CFAP70: variants seen among roughly 807,000 people sequenced by gnomAD.
CFAP70 encodes cilia- and flagella-associated protein 70.
A neutral mutation model predicts 137.6 loss-of-function variants in CFAP70; 81 were observed. The observed-to-expected ratio is 0.59, with a 90% CI of 0.49 to 0.71. CFAP70 has a LOEUF of 0.71. Among genes scored for constraint, CFAP70 ranks in the 30% least tolerant of loss-of-function variants. The pLI, the probability that CFAP70 is intolerant of heterozygous loss-of-function variation, is 0.00. For missense variants in CFAP70, 976 were observed against 1,226.7 expected (o/e 0.80, Z 3.05); for synonymous variants, 382 against 423.6 (o/e 0.90, Z 1.20).
intron 25 of CFAP70, among the ~76,000 whole-genome samples, chr10:73,258,840 T>G (rs1052039896): frequency 1.3e-5 from 2 of 152,222 alleles, no homozygotes; most frequent in African/African-American, 2.4e-5. Flanking sequence ...TTATTAGGAT[T>G]AGGAAATTCT....
chr10:73,266,370 G>A (rs2045774798), intron 25 of CFAP70, among the ~76,000 whole-genome samples: 1 of 152,072 alleles, frequency 6.6e-6, no homozygotes, highest in African/African-American at 2.4e-5. Flanking sequence ...TACCATTTCA[G>A]TAGTGAACTC....
intron 25 of CFAP70, among the ~76,000 whole-genome samples, chr10:73,269,131 C>T (rs1564755065): frequency 6.6e-6 from 1 of 152,176 alleles, no homozygotes; most frequent in Non-Finnish European, 1.5e-5. Context: ...CTGAGGGCTA[C>T]TGTCGTTATT....
intron 4 of CFAP70, chr10:73,347,074 G>C (rs548050164): frequency 6.6e-6 from 1 of 152,270 alleles, no homozygotes; most frequent in Admixed American, 6.5e-5. Context: ...TATGTAAAGA[G>C]GGATTGGAAC....
At chr10:73,360,067 G>T (rs532933808), upstream of CFAP70, among the ~76,000 whole-genome samples, 2 of 152,166 alleles carry the variant, frequency 1.3e-5, no homozygotes, top group Non-Finnish European at 2.9e-5. Context: ...GACCAGAAAG[G>T]AAAACAACAT....
At chr10:73,285,299 CCTTATT>C (rs1413144304) in intron 19 of CFAP70, among the ~76,000 whole-genome samples, 1 of 152,060 alleles carries the variant, frequency 6.6e-6, no homozygotes, top group Non-Finnish European at 1.5e-5. Flanking sequence ...ATATATATTT[CCTTATT>C]CTTATTTCGA....
intron 5 of CFAP70, 83 bp downstream of exon 6, chr10:73,344,982 G>T (rs1444171714): frequency 1.8e-5 from 21 of 1,140,180 alleles, no homozygotes; most frequent in Non-Finnish European, 2.5e-5. Flanking sequence ...TGCTTTGAAT[G>T]AAATCTTAGA....
chr10:73,341,458 C>T (rs1423731793), exon 6 of CFAP70: 1 of 1,614,196 alleles, frequency 6.2e-7, no homozygotes, highest in East Asian at 2.2e-5. Flanking sequence ...ATGAATGCAT[C>T]AGGAATGTTA....
intron 24 of CFAP70, 86 bp downstream of exon 25, chr10:73,272,842 A>T (rs1237535407): frequency 8.2e-7 from 1 of 1,213,462 alleles, no homozygotes; most frequent in African/African-American, 1.5e-5. Context: ...TTCCAATGTC[A>T]TCACAAACCC....
At chr10:73,274,832 G>A (rs1382170115) in intron 22 of CFAP70, 2 of 474,270 alleles carry the variant, frequency 4.2e-6, no homozygotes, top group South Asian at 3.6e-5. Context: ...AGCCATTTTG[G>A]GTGTGGAGTA....
At chr10:73,361,312 T>TC (rs764601900), upstream of CFAP70, among the ~76,000 whole-genome samples, 3 of 147,120 alleles carry the variant, frequency 2.0e-5, no homozygotes, top group Non-Finnish European at 3.0e-5. Flanking sequence ...TTTTTTTTTT[T>TC]CTTTATTGAG....
At chr10:73,348,730 AATGGGTTT>A (rs1289215241) in intron 3 of CFAP70, among the ~76,000 whole-genome samples, 1 of 152,172 alleles carries the variant, frequency 6.6e-6, no homozygotes, top group East Asian at 1.9e-4. Flanking sequence ...TATAATAAGA[AATGGGTTT>A]TAGATCATCA....
At chr10:73,277,961 C>T (rs540005317) in intron 20 of CFAP70, among the ~76,000 whole-genome samples, 11 of 152,138 alleles carry the variant, frequency 7.2e-5, no homozygotes, top group African/African-American at 1.4e-4. Flanking sequence ...TTTTTAAAAA[C>T]GAAGAACTGT....
chr10:73,284,575 A>C, intron 19 of CFAP70, among the ~76,000 whole-genome samples: 1 of 142,330 alleles, frequency 7.0e-6, no homozygotes, highest in Non-Finnish European at 1.5e-5. Flanking sequence ...TTATTCTACT[A>C]TTTTCCTTTT....
intron 3 of CFAP70, among the ~76,000 whole-genome samples, chr10:73,349,151 T>C (rs1382492618): frequency 6.6e-6 from 1 of 151,994 alleles, no homozygotes; most frequent in East Asian, 1.9e-4. Flanking sequence ...TCCTTAGGTA[T>C]TTTCTATTCT....
rs185068460 is a variant in CFAP70, at chr10:73,338,197, T to A, written c.583-2673A>T. 1.4e-3 allele frequency among the ~76,000 whole-genome samples: 202 copies of A among 146,074 alleles called. 7 individuals carry two copies. Among genetic ancestry groups the A allele is most frequent in the African/African-American group, 4.5e-3 (175 of 38,918 alleles). ...TCTTGCTCTGTCACCCAGGCTGGAG[T>A]GCAGTGGTACAGTCTCGGCTCACTG... On this transcript the variant is annotated intron_variant, in intron 6 of 26. Transcript: ENST00000310715.
At chr10:73,264,184 T>C (rs1053342880) in intron 25 of CFAP70, among the ~76,000 whole-genome samples, 1 of 152,204 alleles carries the variant, frequency 6.6e-6, no homozygotes, top group Admixed American at 6.5e-5. Context: ...TTACTTTCCA[T>C]GCACTAGTTC....
chr10:73,347,336 G>T (rs1025212474), intron 4 of CFAP70, among the ~76,000 whole-genome samples: 1 of 152,146 alleles, frequency 6.6e-6, no homozygotes, highest in Non-Finnish European at 1.5e-5. Flanking sequence ...GCCATGGGAA[G>T]GTTGAACTAG....
At chr10:73,345,406 T>A (rs1263321917) in intron 4 of CFAP70, among the ~76,000 whole-genome samples, 162 bp from the exon 6 acceptor site, 1 of 152,160 alleles carries the variant, frequency 6.6e-6, no homozygotes, top group East Asian at 1.9e-4. Flanking sequence ...GAGTTGGAGA[T>A]AGAGCCAAGA....
intron 3 of CFAP70, among the ~76,000 whole-genome samples, chr10:73,350,472 T>C (rs1364311482): frequency 2.0e-5 from 3 of 152,308 alleles, no homozygotes; most frequent in South Asian, 4.1e-4. Flanking sequence ...ATTCCTTTCA[T>C]ATGTTTTGTA....
Sources: gnomAD v4.1 joint callset for allele counts (sites outside exome capture counted in the v4.1 genomes callset) on GRCh38, gnomAD v4.1.1 for gene constraint, MANE v1.5 for transcripts, NCBI Gene and HGNC (gene_info 2026-07-23, HGNC 2026-07-21) for gene names.